Variants in PLCG2 observed in about 807,000 individuals in gnomAD.
PLCG2 encodes 1-phosphatidylinositol 4,5-bisphosphate phosphodiesterase gamma-2.
PLCG2 carries 69 observed loss-of-function variants against 175.6 expected under a neutral mutation model. That is an observed-to-expected ratio of 0.39 (90% CI 0.32 to 0.48). The LOEUF (loss-of-function observed/expected upper bound fraction) is 0.48, where lower values mean the gene tolerates loss of function less well. Among genes scored for constraint, PLCG2 ranks in the 20% least tolerant of loss-of-function variants. The probability of loss-of-function intolerance (pLI) is 0.91; values close to 1 mark genes in which losing one functional copy is unlikely to be tolerated. For missense variants in PLCG2, 1,798 were observed against 1,650.9 expected, an observed-to-expected ratio of 1.09 and a Z score of -1.54; for synonymous variants, 827 against 624.0, an observed-to-expected ratio of 1.33 and a Z score of -4.85.
At chr16:81,828,297 A>G (rs1203475428) in intron 2 of PLCG2, among the ~76,000 whole-genome samples, 28 of 122,412 alleles carry the variant, frequency 2.3e-4, no homozygotes, top group African/African-American at 7.7e-4. Context: ...CCAGGCTGGA[A>G]TGCAGTGGTG....
At chr16:81,781,181 A>G (rs1015773394) in intron 1 of PLCG2, among the ~76,000 whole-genome samples, 5 of 152,212 alleles carry the variant, frequency 3.3e-5, no homozygotes, top group Admixed American at 3.3e-4. Flanking sequence ...ATAAATAGTA[A>G]CCACTCTCCT....
chr16:81,865,966 G>A (rs78959456), intron 5 of PLCG2, among the ~76,000 whole-genome samples: 2 of 130,400 alleles, frequency 1.5e-5, no homozygotes. Flanking sequence ...TCCCAGGATG[G>A]GCTCCACTGG....
At chr16:81,893,561 C>G in intron 11 of PLCG2, 148 bp from the exon 12 acceptor site, 2 of 649,154 alleles carry the variant, frequency 3.1e-6, no homozygotes, top group South Asian at 3.4e-5. Context: ...CTGTCCTAGG[C>G]CTTAGCTTTG....
At position 81,786,202 on chromosome 16, in the gene PLCG2, G is replaced by A. The variant is rs1246600413; in HGVS notation, c.193+20G>A. ...GCTTCTGTGAGTACTCGCTGGGTGG[G>A]GCAGTGTGGCCCGTCCTCTGGGGCC... On this transcript the variant is annotated intron_variant, in intron 2 of 32. Transcript: ENST00000564138. The A allele has an allele frequency of 1.2e-6, 2 of 1,608,660 alleles. No homozygotes were observed. The highest frequency in any genetic ancestry group is 1.7e-5 in the Admixed American group (1 of 59,862).
At chr16:81,846,581 G>C (rs760259553) in intron 2 of PLCG2, among the ~76,000 whole-genome samples, 1 of 152,178 alleles carries the variant, frequency 6.6e-6, no homozygotes, top group Non-Finnish European at 1.5e-5. Context: ...ACCCTTGAGG[G>C]CCAGGATCAA....
chr16:81,900,166 TATAA>T (rs1909085539), intron 13 of PLCG2, among the ~76,000 whole-genome samples: 1 of 152,232 alleles, frequency 6.6e-6, no homozygotes, highest in South Asian at 2.1e-4. Flanking sequence ...CAATATACTT[TATAA>T]ATAGAGGAAG....
intron 31 of PLCG2, among the ~76,000 whole-genome samples, chr16:81,948,994 G>A (rs943996731): frequency 2.6e-5 from 4 of 152,186 alleles, no homozygotes; most frequent in Non-Finnish European, 4.4e-5. Flanking sequence ...ACTGGAGAAA[G>A]CTTTCTGGAA....
Position 81,845,671 on chromosome 16 carries a change from C to T in PLCG2, c.194-8773C>T, listed in dbSNP as rs952058040. 5.9e-5 allele frequency among the ~76,000 whole-genome samples: 9 copies of T among 152,178 alleles called. No individual in the cohort carries two copies. In the South Asian group the frequency reaches 6.2e-4, roughly 11 times the overall value. ...GGTGGCTTGAATGCACTGCGTTGAG[C>T]GCAGTGGGCCTGACCGCTCTCTGTG... On this transcript the variant is annotated intron_variant, in intron 2 of 32. Coordinates refer to ENST00000564138, the MANE Select transcript of PLCG2 (RefSeq NM_002661.5).
chr16:81,929,125 G>A (rs1597138882), intron 24 of PLCG2, among the ~76,000 whole-genome samples: 1 of 152,224 alleles, frequency 6.6e-6, no homozygotes, highest in Admixed American at 6.5e-5. Context: ...ATGCTGCAAC[G>A]GGATGTGAAG....
At chr16:81,891,651 G>A (rs1597111748) in intron 11 of PLCG2, 61 bp downstream of exon 11, 5 of 955,008 alleles carry the variant, frequency 5.2e-6, no homozygotes, top group East Asian at 4.8e-5. Flanking sequence ...GGTTGAGGCA[G>A]GGGTCCGATA....
Position 81,880,790 on chromosome 16 carries a change from AT to A in PLCG2, c.649-115del, listed in dbSNP as rs1194026398. On this transcript the variant is annotated intron_variant, in intron 7 of 32. Transcript: ENST00000564138. ...TACAACTAACATCAACTAAAATGAT[AT>A]TTTTAATGATCTTGTTGCATCTGAC... 32 of 860,364 alleles carry A rather than the reference AT, an allele frequency of 3.7e-5. 2 individuals carry two copies. The South Asian group carries it at 4.7e-4, about 13-fold the overall frequency. The allele number at this position is 860,364 out of a possible 1,614,324, so 53.3% of individuals were successfully genotyped here. A position where few individuals can be genotyped will look rare whatever the true frequency, so the allele number is the denominator to read the frequency against.
rs767333210 is a variant in PLCG2 at position 81,959,500 on chromosome 16, G to A, written c.*1502G>A. The A allele has an allele frequency of 9.4e-6, 2 of 213,118 alleles. No homozygotes were observed. The highest frequency in any genetic ancestry group is 4.5e-5 in the African/African-American group (2 of 44,240). 13.2% of individuals were successfully genotyped at this position (213,118 alleles called of 1,614,324 possible). ...TCTCATCAATCATCTCCATCCACAAGCTCCTAAAAGAAAGCCATTTACCTC... is the reference window on the plus strand; with the variant it reads ...TCTCATCAATCATCTCCATCCACAAACTCCTAAAAGAAAGCCATTTACCTC... On this transcript the variant is annotated 3_prime_UTR_variant, in exon 33 of 33. Transcript: ENST00000564138.
chr16:81,937,678 T>C (rs1910770381), intron 27 of PLCG2, 80 bp from the exon 28 acceptor site: 2 of 1,254,202 alleles, frequency 1.6e-6, no homozygotes, highest in East Asian at 4.8e-5. Flanking sequence ...GTGAAATTCA[T>C]TCCCCACCTA....
intron 31 of PLCG2, among the ~76,000 whole-genome samples, chr16:81,947,485 C>T (rs1172994524): frequency 6.6e-6 from 1 of 152,190 alleles, no homozygotes; most frequent in East Asian, 1.9e-4. Flanking sequence ...TAGACCTGGG[C>T]TTTCTCCTTA....
In PLCG2 at chr16:81,741,130, G is replaced by A. The variant is rs148105012; in HGVS notation, c.-145+1745G>A. Among the ~76,000 whole-genome samples the A allele has an allele frequency of 2.3e-3, 351 of 152,302 alleles. 3 individuals are homozygous for A. The highest frequency in any genetic ancestry group is 3.9e-3 in the Non-Finnish European group (262 of 68,012). ...CGACATCCAGGCCCAGCCTCACACC[G>A]AGACACTGGCCCACTCTCAGGGAGG... On this transcript the variant is annotated intron_variant, in intron 1 of 5. Coordinates refer to the PLCG2 transcript ENST00000565054.
At chr16:81,823,816 C>G (rs1202947281) in intron 2 of PLCG2, among the ~76,000 whole-genome samples, 1 of 151,982 alleles carries the variant, frequency 6.6e-6, no homozygotes, top group African/African-American at 2.4e-5. Flanking sequence ...AGGCATGAAC[C>G]ACTGCACCCA....
intron 2 of PLCG2, among the ~76,000 whole-genome samples, chr16:81,847,306 A>G (rs1441500818): frequency 1.3e-5 from 2 of 152,228 alleles, no homozygotes; most frequent in Non-Finnish European, 2.9e-5. Context: ...TTTAGCAACC[A>G]AGAAGCTCTC....
intron 1 of PLCG2, among the ~76,000 whole-genome samples, chr16:81,754,225 C>T (rs1438712785): frequency 6.6e-6 from 1 of 151,372 alleles, no homozygotes; most frequent in Non-Finnish European, 1.5e-5. Context: ...TGGGGAAACT[C>T]TGCCCTTCTC....
At chr16:81,769,660 A>G (rs1456975079) in intron 2 of PLCG2, among the ~76,000 whole-genome samples, 1 of 151,710 alleles carries the variant, frequency 6.6e-6, no homozygotes, top group Non-Finnish European at 1.5e-5. Context: ...TACTAAAAAT[A>G]CAAAAAAAAA....
Sources: gnomAD v4.1 joint callset for allele counts (sites outside exome capture counted in the v4.1 genomes callset) on GRCh38, gnomAD v4.1.1 for gene constraint, MANE v1.5 for transcripts, NCBI Gene and HGNC (gene_info 2026-07-23, HGNC 2026-07-21) for gene names.